The following NBEA variants were observed in gnomAD, a reference collection of about 807,000 sequenced individuals.
NBEA encodes lysosomal-trafficking regulator 2.
Under a neutral mutation model 343.4 loss-of-function variants are expected in NBEA, and 44 were observed. The observed-to-expected ratio is 0.13, with a 90% CI of 0.10 to 0.16. The LOEUF (loss-of-function observed/expected upper bound fraction) is 0.16, where lower values mean the gene tolerates loss of function less well. Ranked by LOEUF, NBEA falls within the 10% of genes least tolerant of loss-of-function variation. The probability of loss-of-function intolerance (pLI) is 1.00; values close to 1 mark genes in which losing one functional copy is unlikely to be tolerated. For synonymous variants in NBEA, 1,175 were observed against 1,238.7 expected (o/e 0.95, Z 1.08); for missense variants, 2,555 against 3,631.3 (o/e 0.70, Z 7.62).
intron 38 of NBEA, among the ~76,000 whole-genome samples, chr13:35,379,224 T>C (rs2041889854): frequency 6.6e-6 from 1 of 152,182 alleles, no homozygotes; most frequent in African/African-American, 2.4e-5. Context: ...TCCTATACTT[T>C]ACATTTTCTG....
At position 35,298,821 on chromosome 13, in the gene NBEA, C is replaced by T. The variant is rs114665282; in HGVS notation, c.5838+8371C>T. 3.1e-3 allele frequency among the ~76,000 whole-genome samples: 476 copies of T among 151,894 alleles called. 2 individuals carry two copies. Among genetic ancestry groups the T allele is most frequent in the African/African-American group, 0.011 (452 of 41,450 alleles). ...TTTTTTTTATGGTTGACTATTATAT[C>T]GGTAATCTTCTCTTTGAATTGATCA... On this transcript the variant is annotated intron_variant, in intron 35 of 58. Transcript: ENST00000379939.
At chr13:35,149,930 G>A (rs2068670689) in intron 18 of NBEA, among the ~76,000 whole-genome samples, 1 of 152,102 alleles carries the variant, frequency 6.6e-6, no homozygotes, top group Non-Finnish European at 1.5e-5. Context: ...AAGTACAGCA[G>A]CGTTTTTACC....
chr13:35,002,600 T>C (rs1477444074), intron 1 of NBEA, among the ~76,000 whole-genome samples: 1 of 152,166 alleles, frequency 6.6e-6, no homozygotes, highest in Non-Finnish European at 1.5e-5. Context: ...CACAAAAATA[T>C]ATTGTATCAG....
At chr13:35,125,223 C>G (rs1480528950) in intron 17 of NBEA, among the ~76,000 whole-genome samples, 1 of 152,024 alleles carries the variant, frequency 6.6e-6, no homozygotes, top group East Asian at 1.9e-4. Context: ...AAAATATGAA[C>G]TCCAGAATAC....
intron 1 of NBEA, among the ~76,000 whole-genome samples, chr13:34,951,812 A>C (rs4941807): frequency 0.31 from 47,279 of 152,116 alleles, 8,235 homozygotes; most frequent in Middle Eastern, 0.52. Context: ...TCCAAGGCAA[A>C]TAGTAACTCC....
intron 1 of NBEA, among the ~76,000 whole-genome samples, chr13:35,006,213 A>T (rs553998064): frequency 6.6e-6 from 1 of 151,228 alleles, no homozygotes; most frequent in Non-Finnish European, 1.5e-5. Flanking sequence ...TTTTCCCACT[A>T]CTTTTGGATG....
chr13:34,998,379 G>A (rs909559241), intron 1 of NBEA, among the ~76,000 whole-genome samples: 1 of 152,176 alleles, frequency 6.6e-6, no homozygotes, highest in Non-Finnish European at 1.5e-5. Context: ...ATCTTATCAG[G>A]AAACAGGGTT....
rs564572517 is a variant in NBEA, at chr13:35,114,862, T to C, written c.2003-2552T>C. On this transcript the variant is annotated intron_variant, in intron 13 of 58. Transcript: ENST00000379939. ...AGGTTCTGACTTGAAGTATATACTT[T>C]TCTAAATGACAGCATTTTTCAATAC... Among the ~76,000 whole-genome samples the C allele has an allele frequency of 1.9e-3, 294 of 152,310 alleles. 1 individual carries two copies. Among genetic ancestry groups the C allele is most frequent in the Non-Finnish European group, 2.5e-3 (169 of 68,004 alleles).
intron 41 of NBEA, among the ~76,000 whole-genome samples, chr13:35,503,477 CA>C (rs1237937660): frequency 2.0e-5 from 3 of 151,812 alleles, no homozygotes; most frequent in Non-Finnish European, 4.4e-5. Flanking sequence ...TTAGTAGCTA[CA>C]TAACAGTTCA....
intron 8 of NBEA, among the ~76,000 whole-genome samples, chr13:35,062,563 CA>C (rs1458954303): frequency 6.6e-6 from 1 of 151,442 alleles, no homozygotes; most frequent in Non-Finnish European, 1.5e-5. Flanking sequence ...TGTGGAAAAC[CA>C]AAAATAAAGA....
intron 39 of NBEA, among the ~76,000 whole-genome samples, chr13:35,432,862 T>C (rs1227169041): frequency 6.6e-6 from 1 of 152,032 alleles, no homozygotes; most frequent in Admixed American, 6.6e-5. Context: ...ATACTGTGAG[T>C]ATATGTTTAT....
At chr13:35,452,570 G>A (rs118048922) in intron 40 of NBEA, among the ~76,000 whole-genome samples, 4,570 of 152,152 alleles carry the variant, frequency 0.03, 106 homozygotes, top group Non-Finnish European at 0.045. Context: ...ATTGATTTAC[G>A]TGTATCTCCA....
intron 33 of NBEA, among the ~76,000 whole-genome samples, chr13:35,222,410 A>G (rs1312590088): frequency 1.3e-5 from 2 of 152,036 alleles, no homozygotes; most frequent in African/African-American, 4.8e-5. Flanking sequence ...TTTAATTGGT[A>G]TTTCTACATC....
chr13:35,020,466 G>A (rs1370636680), intron 1 of NBEA, among the ~76,000 whole-genome samples: 1 of 152,074 alleles, frequency 6.6e-6, no homozygotes, highest in Non-Finnish European at 1.5e-5. Context: ...CTGTTGGATG[G>A]TATGTATGCC....
intron 33 of NBEA, among the ~76,000 whole-genome samples, chr13:35,231,185 A>C (rs1486875840): frequency 6.6e-6 from 1 of 152,054 alleles, no homozygotes; most frequent in Non-Finnish European, 1.5e-5. Context: ...GTAAGAGGAG[A>C]CAGAGTTAAA....
intron 39 of NBEA, among the ~76,000 whole-genome samples, chr13:35,445,923 G>C (rs1302275702): frequency 1.3e-5 from 2 of 149,644 alleles, no homozygotes; most frequent in East Asian, 3.9e-4. Flanking sequence ...CCCATTAACT[G>C]GTCATTTACA....
intron 26 of NBEA, among the ~76,000 whole-genome samples, chr13:35,172,480 C>T (rs1435912897): frequency 6.6e-6 from 1 of 151,852 alleles, no homozygotes; most frequent in Non-Finnish European, 1.5e-5. Context: ...TTTAAAATGG[C>T]TCAATATCTT....
At chr13:35,060,512 T>C (rs1374858468) in intron 8 of NBEA, among the ~76,000 whole-genome samples, 1 of 151,728 alleles carries the variant, frequency 6.6e-6, no homozygotes, top group Admixed American at 6.6e-5. Context: ...AGTCAGAACT[T>C]TTAAGAGATA....
intron 1 of NBEA, among the ~76,000 whole-genome samples, chr13:34,976,285 G>T (rs960896430): frequency 2.0e-5 from 3 of 152,166 alleles, no homozygotes; most frequent in African/African-American, 7.2e-5. Context: ...AACCTGGATG[G>T]ACTTGCAGAC....
Sources: gnomAD v4.1 joint callset for allele counts (sites outside exome capture counted in the v4.1 genomes callset) on GRCh38, gnomAD v4.1.1 for gene constraint, MANE v1.5 for transcripts, NCBI Gene and HGNC (gene_info 2026-07-23, HGNC 2026-07-21) for gene names.